Variants in DYRK1A observed in about 807,000 individuals in gnomAD.
DYRK1A encodes dual specificity tyrosine-phosphorylation-regulated kinase 1A.
A neutral mutation model predicts 79.7 loss-of-function variants in DYRK1A; 9 were observed. The observed-to-expected ratio is 0.11, with a 90% CI of 0.07 to 0.20. The LOEUF is 0.20. Ranked by LOEUF, DYRK1A falls within the 10% of genes least tolerant of loss-of-function variation. The pLI is 1.00. For synonymous variants in DYRK1A, 349 were observed against 329.7 expected (o/e 1.06, Z -0.63); for missense variants, 622 against 956.0 (o/e 0.65, Z 4.61).
intron 1 of DYRK1A, among the ~76,000 whole-genome samples, chr21:37,407,843 G>C (rs919835754): frequency 3.3e-5 from 5 of 152,182 alleles, no homozygotes; most frequent in African/African-American, 1.2e-4. Flanking sequence ...CAGCTGATCA[G>C]ACTGGTGGTG....
intron 2 of DYRK1A, among the ~76,000 whole-genome samples, chr21:37,472,129 G>A (rs2052247305): frequency 6.6e-6 from 1 of 152,122 alleles, no homozygotes; most frequent in African/African-American, 2.4e-5. Flanking sequence ...ACGACCTTGG[G>A]TTGAGAAGTT....
intron 1 of DYRK1A, among the ~76,000 whole-genome samples, chr21:37,406,330 G>A (rs1251032314): frequency 1.3e-5 from 2 of 152,136 alleles, no homozygotes; most frequent in Admixed American, 6.6e-5. Context: ...CATTACCAGA[G>A]ATAGAAAAAT....
chr21:37,496,265 TA>T lies in DYRK1A; in HGVS notation c.1212+9del, dbSNP rs2053266425. 1.2e-6 allele frequency: 2 copies of T among 1,610,770 alleles called. No homozygotes were observed. Among genetic ancestry groups the T allele is most frequent in the Admixed American group, 1.7e-5 (1 of 59,286 alleles). ...GACCAAAGATGGAAAACGGGTAAAA[TA>T]AGGATATATCTGTTTTGAGCCTTTA... On this transcript the variant is annotated splice_region_variant and intron_variant, in intron 9 of 11. Transcript: ENST00000647188.
intron 3 of DYRK1A, among the ~76,000 whole-genome samples, chr21:37,476,282 T>C (rs1302179159): frequency 6.6e-6 from 1 of 152,230 alleles, no homozygotes; most frequent in Non-Finnish European, 1.5e-5. Flanking sequence ...TTTATCTCCC[T>C]TGAGATTGTT....
Position 37,394,623 on chromosome 21 carries a change from A to G in DYRK1A, c.-76-25676A>G, listed in dbSNP as rs527386794. Reference sequence around the variant, plus strand: ...AGTGGCGGCATTTGATTCTCATAGGAGCGCGAACCCTGTTGTGAACTGCAC... The same window carrying G: ...AGTGGCGGCATTTGATTCTCATAGGGGCGCGAACCCTGTTGTGAACTGCAC... On this transcript the variant is annotated intron_variant, in intron 1 of 11. Coordinates refer to ENST00000647188, the MANE Select transcript of DYRK1A (RefSeq NM_001347721.2). 3.9e-5 allele frequency among the ~76,000 whole-genome samples: 6 copies of G among 152,144 alleles called. No homozygotes were observed. The East Asian group carries it at 9.7e-4, about 25-fold the overall frequency.
chr21:37,366,305 G>C (rs2049302072), upstream of DYRK1A: 1 of 144,330 alleles, frequency 6.9e-6, no homozygotes, highest in African/African-American at 2.5e-5. Flanking sequence ...CCCCCGGCGC[G>C]GGCGGGGCTG....
chr21:37,520,256 C>G lies in DYRK1A; in HGVS notation c.*7725C>G, dbSNP rs1601349146. On this transcript the variant is annotated 3_prime_UTR_variant, in exon 12 of 12. Coordinates refer to ENST00000647188, the MANE Select transcript of DYRK1A (RefSeq NM_001347721.2). ...CTCCCACTCCAAGGAAAGTCTGTTA[C>G]ATTTTTAGCCTTCAGAGGTTTGATG... 6.6e-6 allele frequency: 1 copy of G among 152,270 alleles called. No homozygotes were observed. The highest frequency in any genetic ancestry group is 1.9e-4 in the East Asian group (1 of 5,166). The allele number at this position is 152,270 out of a possible 1,614,324, so 9.4% of individuals were successfully genotyped here.
intron 1 of DYRK1A, among the ~76,000 whole-genome samples, chr21:37,412,411 G>A (rs536514313): frequency 1.3e-5 from 2 of 152,152 alleles, no homozygotes; most frequent in Non-Finnish European, 2.9e-5. Context: ...CCCAAACTTC[G>A]CTGGGTCCAG....
chr21:37,457,527 G>A (rs984400388), intron 2 of DYRK1A, among the ~76,000 whole-genome samples: 1 of 152,142 alleles, frequency 6.6e-6, no homozygotes, highest in African/African-American at 2.4e-5. Context: ...ATGTGCCACC[G>A]CGGCTGGCCT....
intron 1 of DYRK1A, among the ~76,000 whole-genome samples, chr21:37,383,002 T>C (rs1476106270): frequency 6.6e-6 from 1 of 152,208 alleles, no homozygotes; most frequent in East Asian, 1.9e-4. Context: ...GGGAAGTCTT[T>C]ATCTTAGGAG....
intron 2 of DYRK1A, among the ~76,000 whole-genome samples, chr21:37,463,193 A>G (rs1237497642): frequency 1.3e-5 from 1 of 75,568 alleles, no homozygotes; most frequent in South Asian, 4.8e-4. Context: ...GTGTGTGTTT[A>G]ATGTTGGCAC....
At chr21:37,446,305 C>T (rs1472425249) in intron 2 of DYRK1A, among the ~76,000 whole-genome samples, 1 of 152,080 alleles carries the variant, frequency 6.6e-6, no homozygotes, top group African/African-American at 2.4e-5. Context: ...AACATATTTG[C>T]TTTTTTTCTA....
rs913915270 is a variant in DYRK1A, at chr21:37,524,087, G to A, written c.*11556G>A. On this transcript the variant is annotated 3_prime_UTR_variant, in exon 12 of 12. Coordinates refer to ENST00000647188, the MANE Select transcript of DYRK1A (RefSeq NM_001347721.2). Reference sequence around the variant, plus strand: ...TTTAAGGTACAATGGAGTATGAATTGTTACTGAATTAGGCAGCAAAGTGCA... The same window carrying A: ...TTTAAGGTACAATGGAGTATGAATTATTACTGAATTAGGCAGCAAAGTGCA... 1 of 152,176 alleles carries A rather than the reference G, an allele frequency of 6.6e-6. No homozygotes were observed. Among genetic ancestry groups the A allele is most frequent in the Non-Finnish European group, 1.5e-5 (1 of 68,036 alleles). 9.4% of individuals were successfully genotyped at this position (152,176 alleles called of 1,614,324 possible).
chr21:37,443,593 C>G (rs964276682), intron 2 of DYRK1A, among the ~76,000 whole-genome samples: 1 of 152,072 alleles, frequency 6.6e-6, no homozygotes, highest in African/African-American at 2.4e-5. Flanking sequence ...TAGGTGGGAC[C>G]AGTGCAGTGT....
chr21:37,386,061 C>G (rs983159010), intron 1 of DYRK1A, among the ~76,000 whole-genome samples: 8 of 152,064 alleles, frequency 5.3e-5, no homozygotes, highest in Non-Finnish European at 1.0e-4. Flanking sequence ...TTTCATTTAA[C>G]CTATGATGAA....
intron 1 of DYRK1A, among the ~76,000 whole-genome samples, chr21:37,396,518 A>G (rs550919706): frequency 1.8e-4 from 26 of 142,106 alleles, no homozygotes; most frequent in South Asian, 7.2e-4. Context: ...AATTAATCCA[A>G]AGTTTTTTTG....
At chr21:37,439,309 AC>A (rs1231061733) in intron 2 of DYRK1A, among the ~76,000 whole-genome samples, 1 of 152,182 alleles carries the variant, frequency 6.6e-6, no homozygotes, top group East Asian at 1.9e-4. Context: ...ATTGGCTCCA[AC>A]CTCTATGGAA....
chr21:37,488,507 G>A (rs2052957580), intron 6 of DYRK1A: 2 of 886,252 alleles, frequency 2.3e-6, no homozygotes, highest in Non-Finnish European at 2.7e-6. Context: ...GGATTATTTG[G>A]TACCTGCCAT....
At chr21:37,465,068 A>G (rs2051978555) in intron 2 of DYRK1A, among the ~76,000 whole-genome samples, 1 of 152,256 alleles carries the variant, frequency 6.6e-6, no homozygotes, top group South Asian at 2.1e-4. Flanking sequence ...GAAAGGAGAC[A>G]ATGAGCATGT....
Sources: allele counts gnomAD v4.1 joint callset (sites outside exome capture counted in the v4.1 genomes callset), GRCh38; gene constraint gnomAD v4.1.1; transcripts MANE v1.5; gene names NCBI Gene and HGNC (gene_info 2026-07-23, HGNC 2026-07-21).